Variants in CACNA1I observed in about 807,000 individuals in gnomAD.
The protein encoded by CACNA1I is voltage-dependent T-type calcium channel subunit alpha-1I.
In CACNA1I, 74 loss-of-function variants were observed where a neutral mutation model predicts 201.6. The ratio of observed to expected loss-of-function variants is 0.37; its 90% CI spans 0.30 to 0.45. The LOEUF (loss-of-function observed/expected upper bound fraction) is 0.45, where lower values mean the gene tolerates loss of function less well. CACNA1I is among the 20% of genes least tolerant of loss of function. CACNA1I has a pLI of 1.00. For missense variants in CACNA1I, 2,346 were observed against 3,138.1 expected (o/e 0.75, Z 6.03); for synonymous variants, 1,431 against 1,345.2 (o/e 1.06, Z -1.40).
chr22:39,574,857 C>T (rs1932294377), intron 1 of CACNA1I, among the ~76,000 whole-genome samples: 1 of 152,194 alleles, frequency 6.6e-6, no homozygotes, highest in Non-Finnish European at 1.5e-5. Context: ...GGAGGGTCCC[C>T]CAGACAGCCT....
intron 17 of CACNA1I, 87 bp downstream of exon 17, chr22:39,662,522 C>T (rs1394136316): frequency 6.7e-6 from 7 of 1,042,196 alleles, no homozygotes; most frequent in South Asian, 5.4e-5. Context: ...CCCGAGCGGG[C>T]GGGCCCACGG....
intron 1 of CACNA1I, among the ~76,000 whole-genome samples, chr22:39,585,699 TAAAAA>T (rs577223485): frequency 4.4e-5 from 4 of 90,450 alleles, no homozygotes; most frequent in Non-Finnish European, 6.5e-5. Context: ...GCTGTAAACT[TAAAAA>T]AAAAAAAAAA....
chr22:39,668,086 T>C (rs551309997), intron 23 of CACNA1I, among the ~76,000 whole-genome samples: 1 of 152,282 alleles, frequency 6.6e-6, no homozygotes, highest in East Asian at 1.9e-4. Context: ...TTTTCTTCTA[T>C]AACAGTAACT....
chr22:39,661,211 C>T lies in CACNA1I; in HGVS notation c.2802C>T (p.Pro934=), dbSNP rs767934409. The part of the protein sequence containing the change: ...LGPAGAAGPA[P]RLSLQPDPML... ...CTGCTGGGGCTGCGGGACCTGCCCCCCGACTCTCACTGCAGCCGGACCCCA... is the reference window on the plus strand; with the variant it reads ...CTGCTGGGGCTGCGGGACCTGCCCCTCGACTCTCACTGCAGCCGGACCCCA... The change falls in exon 16 of 37, where the codon CCC becomes CCT. Residue 934 remains proline, a synonymous_variant. Transcript: ENST00000402142. 5.0e-6 allele frequency: 8 copies of T among 1,612,416 alleles called. No individual in the cohort carries two copies. The Admixed American group carries it at 1.2e-4, about 24-fold the overall frequency.
Position 39,686,361 on chromosome 22 carries a change from G to A in CACNA1I, c.6628G>A (p.Gly2210Arg). 3 of 1,310,370 alleles carry A rather than the reference G, an allele frequency of 2.3e-6. No homozygotes were observed. Among genetic ancestry groups the A allele is most frequent in the African/African-American group, 1.6e-5 (1 of 64,338 alleles). 81.2% of individuals were successfully genotyped at this position (1,310,370 alleles called of 1,614,324 possible). Residue 2210 changes from glycine (G) to arginine (R), a missense_variant, in exon 37 of 37, where the codon GGA (glycine) becomes AGA (arginine). Around this residue, in one of 13 missense-constraint regions of CACNA1I, gnomAD observed 187 missense variants for 151.0 expected, o/e 1.24. Transcript: ENST00000402142. ...GGCGCCCCCGCCGCAACCGCTCCCCGGAGAGCTGGAGCCGGGAGACGCCGC... is the reference window on the plus strand; with the variant it reads ...GGCGCCCCCGCCGCAACCGCTCCCCAGAGAGCTGGAGCCGGGAGACGCCGC... Reference protein sequence around the residue: ...PLAPPPQPLPGELEPGDAASK... With the variant: ...PLAPPPQPLPRELEPGDAASK...
Position 39,685,752 on chromosome 22 carries a change from T to TC in CACNA1I, c.6028-3dup, listed in dbSNP as rs1569103709. The TC allele has an allele frequency of 4.8e-6, 7 of 1,458,844 alleles. No individual in the cohort carries two copies. The highest frequency in any genetic ancestry group is 2.5e-5 in the Admixed American group (1 of 40,770). The allele number at this position is 1,458,844 out of a possible 1,614,324, so 90.4% of individuals were successfully genotyped here. ...ACAGGCGGCCTCCACGGCTCCCACC[T>TC]CCCCCCAGGCCACCGGGAGCGACAC... On this transcript the variant is annotated splice_polypyrimidine_tract_variant and intron_variant, in intron 36 of 36. Coordinates refer to ENST00000402142, the MANE Select transcript of CACNA1I (RefSeq NM_021096.4). This position sits in a 1 kb window ranked among gnomAD's most constrained non-coding sequence, Gnocchi z 5.0.
In CACNA1I at chr22:39,662,075, G is replaced by A. The variant is rs1469151417; in HGVS notation, c.3012G>A (p.Glu1004=). 2 of 1,543,332 alleles carry A rather than the reference G, an allele frequency of 1.3e-6. No homozygotes were observed. The highest frequency in any genetic ancestry group is 1.7e-6 in the Non-Finnish European group (2 of 1,149,296). Residue 1004 remains glutamate (E), a synonymous_variant, in exon 17 of 37, where the codon GAG becomes GAA. Transcript: ENST00000402142. The stretch of plus-strand genomic sequence containing the variant: ...ACAAGCCGCCGTCGGCGGAGCATGA[G>A]TCCCTGCTCTCTGCGGAGCGCGGCG... ...LKHKPPSAEH[E]SLLSAERGGG...
intron 33 of CACNA1I, 46 bp downstream of exon 33, chr22:39,679,914 C>T (rs765901141): frequency 1.4e-5 from 22 of 1,578,290 alleles, no homozygotes; most frequent in Admixed American, 7.1e-5. Flanking sequence ...AGGGGCAGCA[C>T]GAAACCTGGT....
rs751343029 is a variant in CACNA1I, at chr22:39,663,748, C to T, written c.3504C>T (p.Ala1168=). The change falls in exon 19 of 37, where the codon GCC becomes GCT. Residue 1168 remains alanine (A), a synonymous_variant. Coordinates refer to ENST00000402142, the MANE Select transcript of CACNA1I (RefSeq NM_021096.4). ...GGGTCCTGTGTCAGACCATTATTGCCCACAAACTCTTCGACTACGTCGTCC... is the reference window on the plus strand; with the variant it reads ...GGGTCCTGTGTCAGACCATTATTGCTCACAAACTCTTCGACTACGTCGTCC... ...RFRVLCQTII[A]HKLFDYVVLA... 5 of 1,613,210 alleles carry T rather than the reference C, an allele frequency of 3.1e-6. No homozygotes were observed. Among genetic ancestry groups the T allele is most frequent in the East Asian group, 2.2e-5 (1 of 44,870 alleles).
rs376771011 is a variant in CACNA1I at position 39,663,757 on chromosome 22, C to G, written c.3513C>G (p.Leu1171=). 5.4e-5 allele frequency: 84 copies of G among 1,565,572 alleles called. No homozygotes were observed. The highest frequency in any genetic ancestry group is 5.0e-5 in the Non-Finnish European group (58 of 1,148,880). The change falls in exon 19 of 37, where the codon CTC becomes CTG. Residue 1171 remains leucine (L), a synonymous_variant. Transcript: ENST00000402142. The part of the protein sequence containing the change: ...VLCQTIIAHK[L]FDYVVLAFIF... ...GTCAGACCATTATTGCCCACAAACTCTTCGACTACGTCGTCCTGGCCTTCA... is the reference window on the plus strand; with the variant it reads ...GTCAGACCATTATTGCCCACAAACTGTTCGACTACGTCGTCCTGGCCTTCA...
Position 39,658,136 on chromosome 22 carries a change from C to A in CACNA1I, c.1993-16C>A, listed in dbSNP as rs775082701. On this transcript the variant is annotated splice_polypyrimidine_tract_variant and intron_variant, in intron 10 of 36. Transcript: ENST00000402142. ...GGCCTGACCGGGTCTCCATTCCCCACCCCAATGCCCCACAGCCGGAGGAGC... is the reference window on the plus strand; with the variant it reads ...GGCCTGACCGGGTCTCCATTCCCCAACCCAATGCCCCACAGCCGGAGGAGC... The A allele has an allele frequency of 1.9e-6, 3 of 1,612,970 alleles. No individual in the cohort carries two copies. The South Asian group carries it at 3.3e-5, about 18-fold the overall frequency.
At position 39,666,684 on chromosome 22, in the gene CACNA1I, C is replaced by T. The variant is rs1281386440; in HGVS notation, c.4104+678C>T. Among the ~76,000 whole-genome samples, 1 of 152,238 alleles carries T rather than the reference C, an allele frequency of 6.6e-6. No individual in the cohort carries two copies. Among genetic ancestry groups the T allele is most frequent in the Non-Finnish European group, 1.5e-5 (1 of 68,024 alleles). On this transcript the variant is annotated intron_variant, in intron 23 of 36. Coordinates refer to ENST00000402142, the MANE Select transcript of CACNA1I (RefSeq NM_021096.4). This position sits in a 1 kb window ranked among gnomAD's most constrained non-coding sequence, Gnocchi z 4.1. ...TATGTCCAGACGTAGGCGTGCCTTGCCCCAGGGCACACAGGGAGGAGCAGG... is the reference window on the plus strand; with the variant it reads ...TATGTCCAGACGTAGGCGTGCCTTGTCCCAGGGCACACAGGGAGGAGCAGG...
At chr22:39,651,002 A>G (rs1009354976) in intron 10 of CACNA1I, among the ~76,000 whole-genome samples, 1 of 152,146 alleles carries the variant, frequency 6.6e-6, no homozygotes, top group African/African-American at 2.4e-5. Flanking sequence ...CCTGGGTGGC[A>G]GGTCTGGTCC....
rs988621013 is a variant in CACNA1I, at chr22:39,685,116, C to G, written c.6027+618C>G. 1.1e-4 allele frequency: 19 copies of G among 166,958 alleles called. No individual in the cohort carries two copies. Among genetic ancestry groups the G allele is most frequent in the Non-Finnish European group, 2.3e-4 (18 of 77,396 alleles). The allele number at this position is 166,958 out of a possible 1,614,324, so 10.3% of individuals were successfully genotyped here. ...GACCCGTCACACCAGGCTGTGTGCT[C>G]TGGCGGGCAGGACACAAACTCCCTG... On this transcript the variant is annotated intron_variant, in intron 36 of 36. Coordinates refer to ENST00000402142, the MANE Select transcript of CACNA1I (RefSeq NM_021096.4). This position sits in a 1 kb window ranked among gnomAD's most constrained non-coding sequence, Gnocchi z 5.0.
At chr22:39,616,097 A>C (rs191566103) in intron 3 of CACNA1I, among the ~76,000 whole-genome samples, 2 of 152,252 alleles carry the variant, frequency 1.3e-5, no homozygotes, top group Admixed American at 1.3e-4. Context: ...CCCGTGCTGA[A>C]GACCCAGAGG....
At position 39,684,633 on chromosome 22, in the gene CACNA1I, T is replaced by G; in HGVS notation, c.6027+135T>G. 5.6e-6 allele frequency: 5 copies of G among 894,690 alleles called. No individual in the cohort carries two copies. The highest frequency in any genetic ancestry group is 6.9e-6 in the Non-Finnish European group (4 of 581,954). The allele number at this position is 894,690 out of a possible 1,614,324, so 55.4% of individuals were successfully genotyped here. A position where few individuals can be genotyped will look rare whatever the true frequency, so the allele number is the denominator to read the frequency against. On this transcript the variant is annotated intron_variant, in intron 36 of 36. Coordinates refer to ENST00000402142, the MANE Select transcript of CACNA1I (RefSeq NM_021096.4). The surrounding 1 kb of genome is among the most constrained non-coding windows in gnomAD (Gnocchi z 4.6). Reference sequence around the variant, plus strand: ...GAGGGCACCACCGTGCAAGGGGGTTTGGGAACGCTGGGGTGACGCTGAGAC... The same window carrying G: ...GAGGGCACCACCGTGCAAGGGGGTTGGGGAACGCTGGGGTGACGCTGAGAC...
At position 39,678,108 on chromosome 22, in the gene CACNA1I, G is replaced by A. The variant is rs1309831326; in HGVS notation, c.5055G>A (p.Lys1685=). The A allele has an allele frequency of 2.5e-6, 4 of 1,611,144 alleles. No individual in the cohort carries two copies. The highest frequency in any genetic ancestry group is 3.4e-6 in the Non-Finnish European group (4 of 1,178,608). The change falls in exon 31 of 37, where the codon AAG becomes AAA. Residue 1685 remains lysine (K), a splice_region_variant and synonymous_variant. Transcript: ENST00000402142. ...GTGACAACTGGAACGGGATCATGAA[G>A]GTACTCCTGGGCGGGCTGGGGTGGA... ...STGDNWNGIM[K]DTLRDCTHDE...
chr22:39,598,951 T>TTTG (rs1555902548), intron 2 of CACNA1I, among the ~76,000 whole-genome samples: 1 of 130,016 alleles, frequency 7.7e-6, no homozygotes, highest in South Asian at 2.9e-4. Flanking sequence ...GTTTTTTTTT[T>TTTG]TTTTTTTTTT....
intron 28 of CACNA1I, 116 bp downstream of exon 28, chr22:39,673,198 C>T (rs774040248): frequency 7.7e-5 from 86 of 1,112,996 alleles, no homozygotes; most frequent in Admixed American, 4.2e-4. Context: ...CAGGAGTTTG[C>T]AGGCATGGTG....
Sources: allele counts gnomAD v4.1 joint callset (sites outside exome capture counted in the v4.1 genomes callset), GRCh38; gene constraint gnomAD v4.1.1; regional missense constraint gnomAD v4.1.1; non-coding constraint Gnocchi (gnomAD v3.1); transcripts MANE v1.5; gene names NCBI Gene and HGNC (gene_info 2026-07-23, HGNC 2026-07-21).